The following MDFIC2 variants were observed in gnomAD, a reference collection of about 807,000 sequenced individuals.
The protein encoded by MDFIC2 is myoD family inhibitor domain-containing protein 2.
intron 3 of MDFIC2, among the ~76,000 whole-genome samples, chr3:70,200,108 T>C (rs1252667688): frequency 6.6e-6 from 1 of 152,126 alleles, no homozygotes; most frequent in Non-Finnish European, 1.5e-5. Context: ...TGTTTCCACC[T>C]CAAATTCGTA....
At chr3:70,247,040 G>T (rs1032880818) in intron 2 of MDFIC2, among the ~76,000 whole-genome samples, 2 of 151,892 alleles carry the variant, frequency 1.3e-5, no homozygotes, top group African/African-American at 4.8e-5. Context: ...TACCACGAAG[G>T]ATAGTTATTT....
intron 2 of MDFIC2, among the ~76,000 whole-genome samples, chr3:70,289,811 C>A (rs1043192454): frequency 8.5e-5 from 13 of 152,184 alleles, no homozygotes; most frequent in African/African-American, 3.1e-4. Flanking sequence ...TCATTCATTT[C>A]ATCTTCCATT....
At position 70,206,659 on chromosome 3, in the gene MDFIC2, A is replaced by G. The variant is rs1249494604; in HGVS notation, c.220T>C (p.Ser74Pro). 2.5e-6 allele frequency: 1 copy of G among 397,794 alleles called. No homozygotes were observed. Among genetic ancestry groups the G allele is most frequent in the Non-Finnish European group, 4.4e-6 (1 of 225,626 alleles). The allele number at this position is 397,794 out of a possible 1,614,324, so 24.6% of individuals were successfully genotyped here. The change falls in exon 3 of 4, where the codon TCC becomes CCC. Residue 74 changes from serine to proline, a missense_variant. Coordinates refer to ENST00000567252, the MANE Select transcript of MDFIC2 (RefSeq NM_001364677.1). ...TCAAGGGAGGACAGTGATGTGCTGGATTCTGACAGTTTTTTCTCATTGGGG... is the reference window on the plus strand; with the variant it reads ...TCAAGGGAGGACAGTGATGTGCTGGGTTCTGACAGTTTTTTCTCATTGGGG... ...ENPNEKKLSE[S>P]STSLSSLEEC...
At chr3:70,304,407 G>T (rs1266998568) in intron 2 of MDFIC2, among the ~76,000 whole-genome samples, 1 of 152,048 alleles carries the variant, frequency 6.6e-6, no homozygotes, top group East Asian at 1.9e-4. Flanking sequence ...TTGCCCAGTT[G>T]ACAGTTTCCA....
At chr3:70,248,342 TG>T (rs929387609) in intron 2 of MDFIC2, among the ~76,000 whole-genome samples, 3 of 152,010 alleles carry the variant, frequency 2.0e-5, no homozygotes, top group African/African-American at 4.8e-5. Flanking sequence ...AGTTTATAAA[TG>T]GAGAAAAAAT....
intron 2 of MDFIC2, among the ~76,000 whole-genome samples, chr3:70,259,733 A>T (rs887444468): frequency 1.3e-5 from 2 of 152,178 alleles, no homozygotes; most frequent in Non-Finnish European, 2.9e-5. Context: ...AAATAACAGA[A>T]ATGTATTGTT....
chr3:70,262,405 C>G (rs1189334669), intron 2 of MDFIC2, among the ~76,000 whole-genome samples: 1 of 152,078 alleles, frequency 6.6e-6, no homozygotes, highest in East Asian at 1.9e-4. Flanking sequence ...AATCAGTGTT[C>G]TTTAAAAGAT....
chr3:70,245,572 G>A (rs2106645425), intron 2 of MDFIC2, among the ~76,000 whole-genome samples: 1 of 149,812 alleles, frequency 6.7e-6, no homozygotes, highest in East Asian at 2.0e-4. Context: ...TAGTAACTGG[G>A]TAATAAAGGG....
chr3:70,276,753 A>G (rs555737362), intron 2 of MDFIC2, among the ~76,000 whole-genome samples: 1 of 152,342 alleles, frequency 6.6e-6, no homozygotes, highest in East Asian at 1.9e-4. Context: ...GTGTTTTCAC[A>G]CTATAATGGC....
At position 70,258,188 on chromosome 3, in the gene MDFIC2, A is replaced by T. The variant is rs188856157; in HGVS notation, c.89-51398T>A. Among the ~76,000 whole-genome samples the T allele has an allele frequency of 2.0e-5, 3 of 152,284 alleles. No individual in the cohort carries two copies. The East Asian group carries it at 5.8e-4, about 29-fold the overall frequency. ...AAGGCAAAAACTATCATGTTCTAGA[A>T]TAAAATATAGGAGAAAATATTTGCA... On this transcript the variant is annotated intron_variant, in intron 2 of 3. Coordinates refer to ENST00000567252, the MANE Select transcript of MDFIC2 (RefSeq NM_001364677.1).
At chr3:70,246,917 C>G (rs962260442) in intron 2 of MDFIC2, among the ~76,000 whole-genome samples, 2 of 151,890 alleles carry the variant, frequency 1.3e-5, no homozygotes, top group African/African-American at 4.8e-5. Context: ...TTAGACATGA[C>G]TCTTTTTTCA....
At chr3:70,203,596 A>G (rs1346279404) in intron 3 of MDFIC2, among the ~76,000 whole-genome samples, 2 of 152,176 alleles carry the variant, frequency 1.3e-5, no homozygotes, top group South Asian at 2.1e-4. Context: ...AAATAATTAT[A>G]AAATTGAAAC....
At chr3:70,311,380 C>T (rs1248617929) in intron 2 of MDFIC2, among the ~76,000 whole-genome samples, 2 of 152,134 alleles carry the variant, frequency 1.3e-5, no homozygotes, top group Non-Finnish European at 1.5e-5. Flanking sequence ...GATTTGTGTG[C>T]GTATTTCAAG....
chr3:70,286,895 G>A (rs1702170849), intron 2 of MDFIC2, among the ~76,000 whole-genome samples: 1 of 151,832 alleles, frequency 6.6e-6, no homozygotes, highest in Non-Finnish European at 1.5e-5. Flanking sequence ...TGTGATTTTT[G>A]TACATTGATT....
At chr3:70,267,723 G>A (rs1293620013) in intron 2 of MDFIC2, among the ~76,000 whole-genome samples, 1 of 151,904 alleles carries the variant, frequency 6.6e-6, no homozygotes, top group Non-Finnish European at 1.5e-5. Context: ...GCCTAAAATA[G>A]CATTTTTTAA....
intron 2 of MDFIC2, among the ~76,000 whole-genome samples, chr3:70,286,007 T>C (rs1019674806): frequency 6.6e-5 from 10 of 151,886 alleles, no homozygotes; most frequent in African/African-American, 2.4e-4. Context: ...ATTTTGTAGG[T>C]TGCCTGTTCA....
At chr3:70,253,303 G>A (rs1701786388) in intron 2 of MDFIC2, among the ~76,000 whole-genome samples, 1 of 152,142 alleles carries the variant, frequency 6.6e-6, no homozygotes, top group Admixed American at 6.5e-5. Flanking sequence ...TATGGGGAAT[G>A]GGAAGTGCAA....
At chr3:70,249,492 T>A (rs1443861228) in intron 2 of MDFIC2, 1 of 152,172 alleles carries the variant, frequency 6.6e-6, no homozygotes, top group Admixed American at 6.6e-5. Flanking sequence ...AATTTTTCCC[T>A]CACATCTTTC....
rs116711899 is a variant in MDFIC2, at chr3:70,300,161, A to T, written c.88+11725T>A. On this transcript the variant is annotated intron_variant, in intron 2 of 3. Coordinates refer to ENST00000567252, the MANE Select transcript of MDFIC2 (RefSeq NM_001364677.1). Reference sequence around the variant, plus strand: ...TTGAAATTTATCCTTCCATTTATTCATGTCATTTTTTAGCATCTGCTTTAC... The same window carrying T: ...TTGAAATTTATCCTTCCATTTATTCTTGTCATTTTTTAGCATCTGCTTTAC... Among the ~76,000 whole-genome samples the T allele has an allele frequency of 3.9e-3, 586 of 152,074 alleles. 2 individuals carry two copies. Among genetic ancestry groups the T allele is most frequent in the Non-Finnish European group, 5.8e-3 (397 of 67,958 alleles).
Sources: allele counts gnomAD v4.1 joint callset (sites outside exome capture counted in the v4.1 genomes callset), GRCh38; gene constraint gnomAD v4.1.1; transcripts MANE v1.5; gene names NCBI Gene and HGNC (gene_info 2026-07-23, HGNC 2026-07-21).